CADPS: variants seen among roughly 807,000 people sequenced by gnomAD.
CADPS encodes the protein calcium dependent secretion activator, also known as calcium-dependent secretion activator 1.
In CADPS, 57 loss-of-function variants were observed where a neutral mutation model predicts 167.3. That is an observed-to-expected ratio of 0.34 (90% CI 0.28 to 0.42). CADPS has a LOEUF of 0.42. Ranked by LOEUF, CADPS falls within the 20% of genes least tolerant of loss-of-function variation. The pLI, the probability that CADPS is intolerant of heterozygous loss-of-function variation, is 1.00. For missense variants in CADPS, 1,414 were observed against 1,738.1 expected (o/e 0.81, Z 3.32); for synonymous variants, 676 against 635.3 (o/e 1.06, Z -0.96).
Position 62,807,525 on chromosome 3 carries a change from G to C in CADPS, c.442-41541C>G, listed in dbSNP as rs532725248. ...ACTTCACCTGCCTCGGCCTCCCAAA[G>C]TGCTGGGATTACAGGTATGAGCCAC... On this transcript the variant is annotated intron_variant, in intron 1 of 29. Transcript: ENST00000383710. Among the ~76,000 whole-genome samples the C allele has an allele frequency of 2.0e-5, 3 of 152,104 alleles. No individual in the cohort carries two copies. The East Asian group carries it at 5.8e-4, about 30-fold the overall frequency.
intron 28 of CADPS, among the ~76,000 whole-genome samples, chr3:62,413,387 G>A (rs559656820): frequency 6.6e-6 from 1 of 152,220 alleles, no homozygotes; most frequent in South Asian, 2.1e-4. Context: ...GTCCATCAGA[G>A]GATGAGTGGG....
In CADPS at chr3:62,403,335, T is replaced by C. The variant is rs146550542; in HGVS notation, c.3778-150A>G. The C allele has an allele frequency of 1.2e-3, 683 of 584,824 alleles. 2 individuals are homozygous for C. The highest frequency in any genetic ancestry group is 0.011 in the African/African-American group (577 of 53,572). The allele number at this position is 584,824 out of a possible 1,614,324, so 36.2% of individuals were successfully genotyped here. A position where few individuals can be genotyped will look rare whatever the true frequency, so the allele number is the denominator to read the frequency against. ...TTGAGAGCATAGAGTTTAATGAACGTTAGTTAGTTTATACAAAATTGCAAG... is the reference window on the plus strand; with the variant it reads ...TTGAGAGCATAGAGTTTAATGAACGCTAGTTAGTTTATACAAAATTGCAAG... On this transcript the variant is annotated intron_variant, in intron 28 of 29. Transcript: ENST00000383710.
chr3:62,765,749 T>C (rs2086675901), intron 2 of CADPS, 122 bp downstream of exon 2: 1 of 572,236 alleles, frequency 1.7e-6, no homozygotes, highest in Admixed American at 3.0e-5. Context: ...CACCAACCCA[T>C]TTGCCTTAGG....
At chr3:62,658,636 G>C (rs1220622543) in intron 4 of CADPS, among the ~76,000 whole-genome samples, 5 of 152,046 alleles carry the variant, frequency 3.3e-5, no homozygotes, top group Non-Finnish European at 7.4e-5. Flanking sequence ...GAAAACACTA[G>C]GTAAGTGATA....
At chr3:62,452,953 AAAAC>A (rs112116630) in intron 26 of CADPS, among the ~76,000 whole-genome samples, 70 of 152,078 alleles carry the variant, frequency 4.6e-4, no homozygotes, top group Middle Eastern at 6.8e-3. Flanking sequence ...AGTTTCTACA[AAAAC>A]AAACAAACAA....
chr3:62,621,620 T>C (rs2063179039), intron 6 of CADPS, among the ~76,000 whole-genome samples: 1 of 152,160 alleles, frequency 6.6e-6, no homozygotes. Flanking sequence ...CAGGGGTATA[T>C]GTTCAGGTTA....
Position 62,427,450 on chromosome 3 carries a change from T to C in CADPS, c.3777+10654A>G, listed in dbSNP as rs143268650. 8.3e-4 allele frequency among the ~76,000 whole-genome samples: 127 copies of C among 152,250 alleles called. 2 individuals are homozygous for C. The East Asian group carries it at 0.012, about 15-fold the overall frequency. ...GTCAGTGGAAGTATCATCTAGAGCA[T>C]GGTTTTTCAATCTCTCTACACTATT... On this transcript the variant is annotated intron_variant, in intron 28 of 29. Coordinates refer to ENST00000383710, the MANE Select transcript of CADPS (RefSeq NM_003716.4).
rs193261018 is a variant in CADPS at position 62,720,922 on chromosome 3, A to G, written c.888+32519T>C. ...AAGCTCCGCCTCCCAGGTTCACCCCATTCTCCTGCCTCAGCCTCCTGAGTA... is the reference window on the plus strand; with the variant it reads ...AAGCTCCGCCTCCCAGGTTCACCCCGTTCTCCTGCCTCAGCCTCCTGAGTA... On this transcript the variant is annotated intron_variant, in intron 3 of 29. Transcript: ENST00000383710. Among the ~76,000 whole-genome samples, 84 of 147,660 alleles carry G rather than the reference A, an allele frequency of 5.7e-4. 1 individual carries two copies. In the East Asian group the frequency reaches 0.015, roughly 27 times the overall value.
At chr3:62,791,610 CA>C (rs1018826511) in intron 1 of CADPS, among the ~76,000 whole-genome samples, 34 of 152,144 alleles carry the variant, frequency 2.2e-4, no homozygotes, top group African/African-American at 8.0e-4. Context: ...TTCATTGCAT[CA>C]GTCAATCAAG....
chr3:62,439,211 T>A (rs1306767635), intron 27 of CADPS: 1 of 152,190 alleles, frequency 6.6e-6, no homozygotes, highest in Non-Finnish European at 1.5e-5. Flanking sequence ...AAGTATCATT[T>A]CTCTACTAGA....
At chr3:62,661,846 T>A (rs1579900867) in intron 4 of CADPS, among the ~76,000 whole-genome samples, 1 of 151,932 alleles carries the variant, frequency 6.6e-6, no homozygotes, top group South Asian at 2.1e-4. Context: ...GGAGGCAGGG[T>A]GGCTGACTGA....
At position 62,740,589 on chromosome 3, in the gene CADPS, A is replaced by C. The variant is rs535529825; in HGVS notation, c.888+12852T>G. Among the ~76,000 whole-genome samples the C allele has an allele frequency of 1.6e-3, 250 of 152,276 alleles. 1 individual carries two copies. The highest frequency in any genetic ancestry group is 1.5e-3 in the Non-Finnish European group (104 of 68,022). ...AACAATTTCTTCATCATTCAAACCCAGCTCACCTAATACCTTCTCTGTGAA... is the reference window on the plus strand; with the variant it reads ...AACAATTTCTTCATCATTCAAACCCCGCTCACCTAATACCTTCTCTGTGAA... On this transcript the variant is annotated intron_variant, in intron 3 of 29. Coordinates refer to ENST00000383710, the MANE Select transcript of CADPS (RefSeq NM_003716.4).
At chr3:62,790,244 C>T (rs1473414467) in intron 1 of CADPS, among the ~76,000 whole-genome samples, 1 of 152,004 alleles carries the variant, frequency 6.6e-6, no homozygotes, top group Non-Finnish European at 1.5e-5. Flanking sequence ...ACATAATCAC[C>T]AACTTTATAG....
rs569992593 is a variant in CADPS, at chr3:62,401,107, C to T, written c.3883-1522G>A. Among the ~76,000 whole-genome samples the T allele has an allele frequency of 3.3e-5, 5 of 152,302 alleles. No homozygotes were observed. In the East Asian group the frequency reaches 9.7e-4, roughly 29 times the overall value. On this transcript the variant is annotated intron_variant, in intron 29 of 29. Coordinates refer to ENST00000383710, the MANE Select transcript of CADPS (RefSeq NM_003716.4). Reference sequence around the variant, plus strand: ...ATCATGCATCAACCTGCAAGTCTTGCTGAGAGGAGGAAGCTAGACAGCTAC... The same window carrying T: ...ATCATGCATCAACCTGCAAGTCTTGTTGAGAGGAGGAAGCTAGACAGCTAC...
chr3:62,406,866 T>C (rs1708688648), intron 28 of CADPS, among the ~76,000 whole-genome samples: 4 of 152,180 alleles, frequency 2.6e-5, no homozygotes, highest in Admixed American at 2.6e-4. Flanking sequence ...GCTGGAAGGC[T>C]TATCTAAAAA....
chr3:62,529,756 T>C (rs1396446213), intron 13 of CADPS, among the ~76,000 whole-genome samples: 1 of 152,210 alleles, frequency 6.6e-6, no homozygotes, highest in Non-Finnish European at 1.5e-5. Flanking sequence ...GTGAACGGTA[T>C]ACATTTCAGG....
At chr3:62,443,878 A>G (rs2056787054) in intron 27 of CADPS, among the ~76,000 whole-genome samples, 1 of 152,180 alleles carries the variant, frequency 6.6e-6, no homozygotes. Context: ...TAAACACTTA[A>G]TGAGTACAGA....
intron 3 of CADPS, among the ~76,000 whole-genome samples, chr3:62,694,555 G>T (rs2079909477): frequency 6.6e-6 from 1 of 152,004 alleles, no homozygotes; most frequent in Non-Finnish European, 1.5e-5. Flanking sequence ...ACAGAAATCA[G>T]TCCTCATTGT....
chr3:62,776,965 G>A (rs148355682), intron 1 of CADPS, among the ~76,000 whole-genome samples: 10 of 152,254 alleles, frequency 6.6e-5, no homozygotes, highest in Non-Finnish European at 1.0e-4. Context: ...TCTTTTGTCA[G>A]TTACAATCTA....
Sources: gnomAD v4.1 joint callset for allele counts (sites outside exome capture counted in the v4.1 genomes callset) on GRCh38, gnomAD v4.1.1 for gene constraint, MANE v1.5 for transcripts, NCBI Gene and HGNC (gene_info 2026-07-23, HGNC 2026-07-21) for gene names.